HACD4: variants seen among roughly 807,000 people sequenced by gnomAD.
The protein encoded by HACD4 is 3-hydroxyacyl-CoA dehydratase 4.
A neutral mutation model predicts 33.3 loss-of-function variants in HACD4; 35 were observed. That is an observed-to-expected ratio of 1.05 (90% CI 0.80 to 1.39). HACD4 has a LOEUF of 1.39. Ranked by LOEUF, HACD4 falls within the 40% of genes most tolerant of loss-of-function variation. HACD4 has a pLI of 0.00. For missense variants in HACD4, 323 were observed against 276.5 expected (o/e 1.17, Z -1.19); for synonymous variants, 118 against 98.0 (o/e 1.20, Z -1.21).
At chr9:21,030,211 C>T (rs535402187) in intron 1 of HACD4, among the ~76,000 whole-genome samples, 75 of 140,520 alleles carry the variant, frequency 5.3e-4, no homozygotes, top group Admixed American at 2.3e-4. Flanking sequence ...GAGGCCAAGG[C>T]GGGTTGGATC....
In HACD4 at chr9:21,008,065, T is replaced by G. The variant is rs763208548; in HGVS notation, c.572A>C (p.Tyr191Ser). The G allele has an allele frequency of 3.1e-6, 5 of 1,611,508 alleles. No individual in the cohort carries two copies. The East Asian group carries it at 8.9e-5, about 29-fold the overall frequency. ...STKLPFDLSIYFPYVLKIYLM... is the reference protein window; with the variant it reads ...STKLPFDLSISFPYVLKIYLM... The stretch of plus-strand genomic sequence containing the variant: ...ATATATTTTCAGCACATATGGGAAA[T>G]AGATGGATAAGTCAAAGGGCAGCTT... The change falls in exon 6 of 7, where the codon TAT (tyrosine) becomes TCT (serine). Residue 191 changes from tyrosine (Y) to serine (S), a missense_variant. By Grantham distance (144) the Tyr-to-Ser change is moderately radical. Transcript: ENST00000495827.
At chr9:21,014,180 A>C (rs781501624) in intron 4 of HACD4, among the ~76,000 whole-genome samples, 1 of 152,160 alleles carries the variant, frequency 6.6e-6, no homozygotes, top group Non-Finnish European at 1.5e-5. Context: ...ACAGAGGAAA[A>C]AAAAGTTTCT....
intron 5 of HACD4, among the ~76,000 whole-genome samples, chr9:21,010,722 C>T (rs1564270740): frequency 6.6e-6 from 1 of 152,064 alleles, no homozygotes; most frequent in African/African-American, 2.4e-5. Flanking sequence ...TTATACAACT[C>T]ACCATAATGC....
chr9:21,014,569 G>C (rs2132778600), intron 4 of HACD4, among the ~76,000 whole-genome samples: 1 of 152,166 alleles, frequency 6.6e-6, no homozygotes, highest in African/African-American at 2.4e-5. Context: ...GAGGGAGAGG[G>C]GAGTGACTGC....
chr9:21,010,473 A>G (rs1384395131), intron 5 of HACD4, among the ~76,000 whole-genome samples: 1 of 74,390 alleles, frequency 1.3e-5, no homozygotes, highest in African/African-American at 6.7e-5. Flanking sequence ...CCCCCCCCAG[A>G]GCTTACAGTC....
At chr9:21,027,319 C>G (rs1297038933) in intron 2 of HACD4, among the ~76,000 whole-genome samples, 2 of 152,050 alleles carry the variant, frequency 1.3e-5, no homozygotes, top group African/African-American at 4.8e-5. Flanking sequence ...GCAGAGGGTT[C>G]ACATGAAATA....
intron 3 of HACD4, among the ~76,000 whole-genome samples, chr9:21,024,872 C>A (rs62558348): frequency 0.023 from 3,543 of 152,268 alleles, 61 homozygotes; most frequent in Non-Finnish European, 0.038. Context: ...ATACTCCAAG[C>A]AAAATCATTC....
chr9:21,022,531 A>T (rs1016460353), intron 3 of HACD4, among the ~76,000 whole-genome samples: 18 of 152,230 alleles, frequency 1.2e-4, no homozygotes, highest in Non-Finnish European at 2.2e-4. Context: ...CAGGAAAAAA[A>T]ATCAACCCCA....
intron 3 of HACD4, among the ~76,000 whole-genome samples, chr9:21,016,401 C>A (rs373754122): frequency 1.3e-5 from 2 of 152,244 alleles, no homozygotes; most frequent in East Asian, 3.9e-4. Context: ...TGAACAATAG[C>A]CAGCACAGTG....
Position 21,002,253 on chromosome 9 carries a change from T to G in HACD4, c.*4784A>C, listed in dbSNP as rs1319206903. 6 of 152,080 alleles carry G rather than the reference T, an allele frequency of 3.9e-5. No homozygotes were observed. The highest frequency in any genetic ancestry group is 8.8e-5 in the Non-Finnish European group (6 of 67,982). 9.4% of individuals were successfully genotyped at this position (152,080 alleles called of 1,614,324 possible). On this transcript the variant is annotated 3_prime_UTR_variant, in exon 7 of 7. Coordinates refer to ENST00000495827, the MANE Select transcript of HACD4 (RefSeq NM_001010915.5). ...AAAAGAACTGAGAAAGATACTTAAA[T>G]GCTTCACTATAAAAAAGTAAACTAC...
intron 3 of HACD4, among the ~76,000 whole-genome samples, chr9:21,019,480 A>C (rs989197621): frequency 5.3e-5 from 8 of 152,170 alleles, no homozygotes; most frequent in Admixed American, 1.3e-4. Flanking sequence ...TGTTTGACAC[A>C]CATAAAAGCC....
chr9:21,013,850 A>G (rs1185163589), intron 4 of HACD4, among the ~76,000 whole-genome samples: 1 of 152,322 alleles, frequency 6.6e-6, no homozygotes, highest in Non-Finnish European at 1.5e-5. Context: ...TTTTTTATGT[A>G]TAAGATGTCA....
intron 3 of HACD4, among the ~76,000 whole-genome samples, chr9:21,024,616 AT>A (rs1242941914): frequency 1.3e-5 from 2 of 152,214 alleles, no homozygotes; most frequent in African/African-American, 2.4e-5. Context: ...AACAAGCCTA[AT>A]TTTGTAAAGC....
At chr9:21,025,599 G>C (rs1345533722) in intron 3 of HACD4, among the ~76,000 whole-genome samples, 1 of 152,012 alleles carries the variant, frequency 6.6e-6, no homozygotes, top group Non-Finnish European at 1.5e-5. Context: ...AACCTTTACT[G>C]TCCCATAAGA....
intron 1 of HACD4, among the ~76,000 whole-genome samples, chr9:21,030,042 T>C (rs1024354797): frequency 3.0e-4 from 45 of 152,152 alleles, no homozygotes; most frequent in African/African-American, 9.9e-4. Context: ...AAACCAAATA[T>C]AGTGCTTTTT....
intron 3 of HACD4, 119 bp downstream of exon 3, chr9:21,026,477 C>G (rs1818062763): frequency 2.6e-6 from 2 of 778,454 alleles, no homozygotes; most frequent in Non-Finnish European, 4.2e-6. Context: ...ATTAATTCTC[C>G]TTATCAGTGA....
Position 21,015,884 on chromosome 9 carries a change from T to A in HACD4, c.383+14A>T. ...AATTTAGCCTTGTTTTAAGAGATTA[T>A]TTTGCCTTCTTACCTAACCATATCC... On this transcript the variant is annotated intron_variant, in intron 4 of 6. Coordinates refer to ENST00000495827, the MANE Select transcript of HACD4 (RefSeq NM_001010915.5). The A allele has an allele frequency of 6.5e-7, 1 of 1,539,712 alleles. No individual in the cohort carries two copies. Among genetic ancestry groups the A allele is most frequent in the Non-Finnish European group, 9.0e-7 (1 of 1,113,292 alleles).
intron 2 of HACD4, 159 bp from the exon 3 acceptor site, chr9:21,026,882 A>G (rs1177490269): frequency 8.4e-6 from 5 of 594,470 alleles, no homozygotes; most frequent in Non-Finnish European, 1.5e-5. Flanking sequence ...TTAACAATAC[A>G]ATGCAAACAA....
chr9:21,025,967 G>C (rs1818050581), intron 3 of HACD4, among the ~76,000 whole-genome samples: 1 of 152,128 alleles, frequency 6.6e-6, no homozygotes, highest in African/African-American at 2.4e-5. Context: ...GTGCAAAGTA[G>C]AACTGGGATT....
Sources: gnomAD v4.1 joint callset for allele counts (sites outside exome capture counted in the v4.1 genomes callset) on GRCh38, gnomAD v4.1.1 for gene constraint, MANE v1.5 for transcripts, NCBI Gene and HGNC (gene_info 2026-07-23, HGNC 2026-07-21) for gene names.